The following CHRM3 variants were observed in gnomAD, a reference collection of about 807,000 sequenced individuals.
The protein encoded by CHRM3 is cholinergic receptor muscarinic 3.
In CHRM3, 11 loss-of-function variants were observed where a neutral mutation model predicts 41.8. That is an observed-to-expected ratio of 0.26 (90% CI 0.17 to 0.44). The LOEUF (loss-of-function observed/expected upper bound fraction) is 0.44, where lower values mean the gene tolerates loss of function less well. Among genes scored for constraint, CHRM3 ranks in the 20% least tolerant of loss-of-function variants. CHRM3 has a pLI of 1.00. For missense variants in CHRM3, 571 were observed against 745.4 expected (o/e 0.77, Z 2.72); for synonymous variants, 297 against 301.4 (o/e 0.99, Z 0.15).
intron 5 of CHRM3, among the ~76,000 whole-genome samples, chr1:239,789,770 T>G (rs772911956): frequency 3.3e-5 from 5 of 152,142 alleles, no homozygotes; most frequent in Admixed American, 2.6e-4. Flanking sequence ...CCTCCAACAC[T>G]GGGGATCAAA....
Position 239,619,597 on chromosome 1 carries a change from T to C in CHRM3, c.-312-12627T>C, listed in dbSNP as rs548880020. Among the ~76,000 whole-genome samples the C allele has an allele frequency of 3.5e-4, 54 of 152,308 alleles. 1 individual carries two copies. Among genetic ancestry groups the C allele is most frequent in the Middle Eastern group, 3.4e-3 (1 of 294 alleles). On this transcript the variant is annotated intron_variant, in intron 3 of 6. Transcript: ENST00000676153. ...GAGAGATATTGGACTGTAAATTTCA[T>C]AGTGGTCCTTTAAGCTGTTTTTCTG...
In CHRM3 at chr1:239,495,455, T is replaced by G. The variant is rs1572498003; in HGVS notation, c.-422+2648T>G. 2.0e-5 allele frequency among the ~76,000 whole-genome samples: 3 copies of G among 152,326 alleles called. No homozygotes were observed. In the South Asian group the frequency reaches 6.2e-4, roughly 32 times the overall value. On this transcript the variant is annotated intron_variant, in intron 2 of 6. Coordinates refer to ENST00000676153, the MANE Select transcript of CHRM3 (RefSeq NM_001375978.1). ...CTTCAAGTGCAAATTCAGCTACCTC[T>G]TCTTTGAGCCACTCTCTCAGTTTAA... is the stretch of plus-strand genomic sequence containing the variant.
intron 5 of CHRM3, among the ~76,000 whole-genome samples, chr1:239,777,313 G>A (rs1274425177): frequency 6.6e-6 from 1 of 152,160 alleles, no homozygotes; most frequent in African/African-American, 2.4e-5. Flanking sequence ...AGTTCATTTT[G>A]ATTTTGGAAC....
At chr1:239,852,550 T>A (rs938487765) in intron 6 of CHRM3, among the ~76,000 whole-genome samples, 4 of 152,190 alleles carry the variant, frequency 2.6e-5, no homozygotes, top group African/African-American at 9.6e-5. Context: ...AAAGTCATAG[T>A]AGCCAAGACT....
chr1:239,732,909 C>CCTAATATCTCATTTAGATAAGTATAT (rs1219581095), intron 5 of CHRM3, among the ~76,000 whole-genome samples: 2 of 150,830 alleles, frequency 1.3e-5, no homozygotes, highest in East Asian at 2.0e-4. Context: ...GATAAGTATA[C>CCTAATATCTCATTTAGATAAGTATAT]CTAATATCTC....
chr1:239,446,938 A>G (rs1375023697), intron 1 of CHRM3, among the ~76,000 whole-genome samples: 2 of 152,192 alleles, frequency 1.3e-5, no homozygotes, highest in Non-Finnish European at 2.9e-5. Context: ...AGCAGGATCC[A>G]AAAACTATGT....
At chr1:239,653,915 G>T (rs1223309654) in intron 4 of CHRM3, among the ~76,000 whole-genome samples, 1 of 152,170 alleles carries the variant, frequency 6.6e-6, no homozygotes, top group Non-Finnish European at 1.5e-5. Flanking sequence ...AACAGAGGCA[G>T]CAAAGCTTGA....
intron 2 of CHRM3, among the ~76,000 whole-genome samples, chr1:239,493,641 A>C (rs1381589016): frequency 5.3e-5 from 8 of 152,192 alleles, no homozygotes; most frequent in Non-Finnish European, 2.9e-5. Context: ...TTTAATTAGT[A>C]GGCTCTGACT....
chr1:239,872,371 C>T (rs894336547), intron 6 of CHRM3, among the ~76,000 whole-genome samples: 1 of 152,166 alleles, frequency 6.6e-6, no homozygotes, highest in African/African-American at 2.4e-5. Flanking sequence ...TGTGACCAAT[C>T]GTAGCAGCAA....
intron 5 of CHRM3, among the ~76,000 whole-genome samples, chr1:239,679,027 G>GGATGGATA (rs1553362062): frequency 5.4e-5 from 8 of 148,780 alleles, no homozygotes; most frequent in African/African-American, 2.0e-4. Flanking sequence ...GTAGATAGAT[G>GGATGGATA]GATAGATAGA....
intron 4 of CHRM3, among the ~76,000 whole-genome samples, chr1:239,662,918 T>TCTTCTTCTTCTTCTTCTTCTTCTTCTC (rs1558431514): frequency 2.0e-5 from 3 of 148,460 alleles, no homozygotes; most frequent in African/African-American, 7.5e-5. Flanking sequence ...TTCTTCTTCT[T>TCTTCTTCTTCTTCTTCTTCTTCTTCTC]CTTCTTCTTC....
chr1:239,858,205 C>T (rs1172255735), intron 6 of CHRM3, among the ~76,000 whole-genome samples: 5 of 152,146 alleles, frequency 3.3e-5, no homozygotes, highest in South Asian at 2.1e-4. Flanking sequence ...ATCCTTGCTG[C>T]GATTTCACAA....
intron 1 of CHRM3, among the ~76,000 whole-genome samples, chr1:239,439,258 A>G (rs1392821237): frequency 6.6e-6 from 1 of 152,234 alleles, no homozygotes; most frequent in African/African-American, 2.4e-5. Flanking sequence ...CCAGGTGGTC[A>G]TGTCAAGATA....
chr1:239,545,171 G>T (rs1479337131), intron 2 of CHRM3, among the ~76,000 whole-genome samples: 1 of 152,160 alleles, frequency 6.6e-6, no homozygotes, highest in Non-Finnish European at 1.5e-5. Flanking sequence ...TTACTTCTGA[G>T]TCAGACATAT....
chr1:239,738,677 G>C (rs550684994), intron 5 of CHRM3, among the ~76,000 whole-genome samples: 1 of 152,170 alleles, frequency 6.6e-6, no homozygotes, highest in Non-Finnish European at 1.5e-5. Context: ...AGTCTATACA[G>C]ACCCATGACT....
chr1:239,679,862 A>C (rs1486972207), intron 5 of CHRM3, among the ~76,000 whole-genome samples: 3 of 152,016 alleles, frequency 2.0e-5, no homozygotes, highest in African/African-American at 4.8e-5. Context: ...CTTCCTCTTA[A>C]TTTCTGCGTC....
chr1:239,871,066 G>T (rs1341717792), intron 6 of CHRM3, among the ~76,000 whole-genome samples: 1 of 152,112 alleles, frequency 6.6e-6, no homozygotes, highest in Non-Finnish European at 1.5e-5. Flanking sequence ...GTGAGTTAGG[G>T]TTGTGGAATC....
At chr1:239,809,846 T>G (rs1245886909) in intron 5 of CHRM3, among the ~76,000 whole-genome samples, 1 of 152,130 alleles carries the variant, frequency 6.6e-6, no homozygotes, top group Non-Finnish European at 1.5e-5. Flanking sequence ...CCTTTTGTCC[T>G]TTCCACTGAG....
At chr1:239,420,065 T>C (rs976353049) in intron 1 of CHRM3, among the ~76,000 whole-genome samples, 3 of 152,330 alleles carry the variant, frequency 2.0e-5, no homozygotes, top group African/African-American at 7.2e-5. Context: ...CTTCCTTCCC[T>C]AGCTCAGGCC....
Sources: gnomAD v4.1 joint callset for allele counts (sites outside exome capture counted in the v4.1 genomes callset) on GRCh38, gnomAD v4.1.1 for gene constraint, MANE v1.5 for transcripts, NCBI Gene and HGNC (gene_info 2026-07-23, HGNC 2026-07-21) for gene names.